ELOVL5: variants seen among roughly 807,000 people sequenced by gnomAD.
The protein encoded by ELOVL5 is very long chain fatty acid elongase 5.
A neutral mutation model predicts 38.6 loss-of-function variants in ELOVL5; 8 were observed. That is an observed-to-expected ratio of 0.21 (90% confidence interval 0.12 to 0.37). The LOEUF (loss-of-function observed/expected upper bound fraction) is 0.37, where lower values mean the gene tolerates loss of function less well. Among genes scored for constraint, ELOVL5 ranks in the 10% least tolerant of loss-of-function variants. The pLI, the probability that ELOVL5 is intolerant of heterozygous loss-of-function variation, is 1.00. For synonymous variants in ELOVL5, 127 were observed against 133.7 expected (o/e 0.95, Z 0.34); for missense variants, 280 against 367.8 (o/e 0.76, Z 1.95).
At chr6:53,270,752 TG>T (rs768175361) in intron 6 of ELOVL5, 25 bp from the exon 7 acceptor site, 9 of 1,613,940 alleles carry the variant, frequency 5.6e-6, no homozygotes, top group Non-Finnish European at 7.6e-6. Context: ...GGGATGCAGC[TG>T]AACAGGGACA....
chr6:53,278,499 A>G (rs1377798356), intron 3 of ELOVL5, among the ~76,000 whole-genome samples: 1 of 152,160 alleles, frequency 6.6e-6, no homozygotes, highest in African/African-American at 2.4e-5. Context: ...GACTCTTTAA[A>G]CTAGTTAACC....
chr6:53,348,624 G>A (rs1245388618), intron 1 of ELOVL5, among the ~76,000 whole-genome samples, 193 bp downstream of exon 1: 3 of 152,342 alleles, frequency 2.0e-5, no homozygotes, highest in South Asian at 2.1e-4. Flanking sequence ...CGCCCGAGGA[G>A]CCGGGCTGTA....
chr6:53,287,661 C>A (rs1274102992), intron 3 of ELOVL5, among the ~76,000 whole-genome samples: 1 of 152,200 alleles, frequency 6.6e-6, no homozygotes, highest in Admixed American at 6.5e-5. Flanking sequence ...GAGAGGGAGA[C>A]TGCCAGGCAG....
chr6:53,307,492 TATC>T (rs1165858313), intron 1 of ELOVL5, among the ~76,000 whole-genome samples: 9 of 152,254 alleles, frequency 5.9e-5, no homozygotes, highest in Non-Finnish European at 5.9e-5. Context: ...TTTCTATTAT[TATC>T]ATCATTACAG....
At chr6:53,298,983 G>C (rs1162089483) in intron 1 of ELOVL5, among the ~76,000 whole-genome samples, 1 of 151,678 alleles carries the variant, frequency 6.6e-6, no homozygotes, top group East Asian at 1.9e-4. Flanking sequence ...AAACTAAAAG[G>C]AATGTACTAA....
In ELOVL5 at chr6:53,294,814, T is replaced by A. The variant is rs187598211; in HGVS notation, c.58+828A>T. ...GCTGTAATGAGCATCCTGATATGTATCATTGCATAACTAATCAAGGCTAGC... is the reference window on the plus strand; with the variant it reads ...GCTGTAATGAGCATCCTGATATGTAACATTGCATAACTAATCAAGGCTAGC... On this transcript the variant is annotated intron_variant, in intron 2 of 7. Transcript: ENST00000304434. Among the ~76,000 whole-genome samples, 6 of 152,338 alleles carry A rather than the reference T, an allele frequency of 3.9e-5. No individual in the cohort carries two copies. The East Asian group carries it at 1.2e-3, about 29-fold the overall frequency.
chr6:53,279,550 G>A (rs185075234), intron 3 of ELOVL5, among the ~76,000 whole-genome samples: 7 of 152,306 alleles, frequency 4.6e-5, no homozygotes, highest in African/African-American at 7.2e-5. Context: ...AGGGATTAGC[G>A]TACCAGAGAT....
At chr6:53,311,459 G>C (rs1767828424) in intron 1 of ELOVL5, among the ~76,000 whole-genome samples, 2 of 152,164 alleles carry the variant, frequency 1.3e-5, no homozygotes, top group Non-Finnish European at 2.9e-5. Flanking sequence ...ATTACCATAT[G>C]ACCCAGCAAT....
intron 1 of ELOVL5, among the ~76,000 whole-genome samples, chr6:53,344,857 GTCC>G (rs1769472476): frequency 6.6e-6 from 1 of 152,156 alleles, no homozygotes; most frequent in Non-Finnish European, 1.5e-5. Context: ...TAGAACGCAT[GTCC>G]TCCTATTCCT....
intron 1 of ELOVL5, among the ~76,000 whole-genome samples, chr6:53,343,943 G>A (rs558930330): frequency 6.6e-6 from 1 of 152,332 alleles, no homozygotes; most frequent in East Asian, 1.9e-4. Context: ...TAACATTGGG[G>A]CTTTCCTTTT....
At chr6:53,305,706 C>T (rs1410143920) in intron 1 of ELOVL5, among the ~76,000 whole-genome samples, 3 of 151,270 alleles carry the variant, frequency 2.0e-5, no homozygotes. Flanking sequence ...CAGAGACGCT[C>T]CTCACTTTCC....
intron 1 of ELOVL5, among the ~76,000 whole-genome samples, chr6:53,325,013 A>G (rs1768478674): frequency 6.6e-6 from 1 of 152,164 alleles, no homozygotes; most frequent in African/African-American, 2.4e-5. Flanking sequence ...GGACACTGAT[A>G]ACCCTGTTCC....
chr6:53,319,178 G>T (rs987537525), intron 1 of ELOVL5, among the ~76,000 whole-genome samples: 4 of 149,734 alleles, frequency 2.7e-5, no homozygotes, highest in Non-Finnish European at 4.4e-5. Flanking sequence ...GGCTGAGGCA[G>T]GAGAATGGCG....
intron 6 of ELOVL5, 118 bp downstream of exon 6, chr6:53,273,102 A>C: frequency 2.7e-6 from 3 of 1,122,980 alleles, no homozygotes; most frequent in Non-Finnish European, 3.8e-6. Context: ...ATTTAATTAC[A>C]TCAAATGAAA....
At chr6:53,294,531 C>T in intron 2 of ELOVL5, 1 of 1,530,038 alleles carries the variant, frequency 6.5e-7, no homozygotes, top group South Asian at 1.2e-5. Flanking sequence ...AACAAGGATC[C>T]TTGGTTACAT....
At chr6:53,336,217 G>A (rs1403555205) in intron 1 of ELOVL5, among the ~76,000 whole-genome samples, 1 of 152,038 alleles carries the variant, frequency 6.6e-6, no homozygotes, top group African/African-American at 2.4e-5. Flanking sequence ...CCTTAGCAGA[G>A]GCTAACACAG....
intron 1 of ELOVL5, among the ~76,000 whole-genome samples, chr6:53,309,679 T>A (rs1353374344): frequency 1.3e-5 from 2 of 152,110 alleles, no homozygotes; most frequent in Non-Finnish European, 2.9e-5. Context: ...TGATAACAGA[T>A]GTTGTGGCTT....
At chr6:53,323,783 A>G (rs891364645) in intron 1 of ELOVL5, among the ~76,000 whole-genome samples, 2 of 151,940 alleles carry the variant, frequency 1.3e-5, no homozygotes, top group African/African-American at 2.4e-5. Flanking sequence ...GGGTTTCTCC[A>G]TGTTGGTCAG....
At chr6:53,293,391 C>T (rs569654354) in intron 2 of ELOVL5, among the ~76,000 whole-genome samples, 1 of 152,278 alleles carries the variant, frequency 6.6e-6, no homozygotes, top group Middle Eastern at 3.4e-3. Context: ...GATCTCAGCT[C>T]ACTGCAACCT....
Sources: gnomAD v4.1 joint callset for allele counts (sites outside exome capture counted in the v4.1 genomes callset) on GRCh38, gnomAD v4.1.1 for gene constraint, MANE v1.5 for transcripts, NCBI Gene and HGNC (gene_info 2026-07-23, HGNC 2026-07-21) for gene names.